OXR1: variants seen among roughly 807,000 people sequenced by gnomAD.
The protein encoded by OXR1 is oxidation resistance protein 1.
OXR1 carries 41 observed loss-of-function variants against 104.6 expected under a neutral mutation model. The ratio of observed to expected loss-of-function variants is 0.39; its 90% CI spans 0.31 to 0.51. The LOEUF is 0.51. OXR1 is among the 20% of genes least tolerant of loss of function. The pLI is 0.77. For synonymous variants in OXR1, 348 were observed against 348.4 expected (o/e 1.00, Z 0.01); for missense variants, 955 against 1,031.9 (o/e 0.93, Z 1.02).
At chr8:106,593,848 A>T (rs750556218) in intron 3 of OXR1, among the ~76,000 whole-genome samples, 14 of 152,240 alleles carry the variant, frequency 9.2e-5, no homozygotes, top group Non-Finnish European at 1.9e-4. Context: ...CTCAAGGTTT[A>T]TGGTATGCTT....
intron 11 of OXR1, among the ~76,000 whole-genome samples, chr8:106,733,652 C>A (rs1282227711): frequency 6.6e-6 from 1 of 151,372 alleles, no homozygotes; most frequent in Non-Finnish European, 1.5e-5. Context: ...ACAAAAAATA[C>A]AAAAATTAGC....
At chr8:106,363,556 CG>C (rs1324418496) in intron 2 of OXR1, among the ~76,000 whole-genome samples, 134 of 150,550 alleles carry the variant, frequency 8.9e-4, no homozygotes, top group Admixed American at 2.0e-3. Flanking sequence ...TGCATATATT[CG>C]TTTTTTTTTT....
At chr8:106,484,848 C>T (rs943874266) in intron 2 of OXR1, among the ~76,000 whole-genome samples, 1 of 151,850 alleles carries the variant, frequency 6.6e-6, no homozygotes, top group Admixed American at 6.6e-5. Flanking sequence ...GGTATTTATC[C>T]AAATGAATTC....
intron 1 of OXR1, among the ~76,000 whole-genome samples, chr8:106,302,250 T>G (rs1453882427): frequency 6.6e-6 from 1 of 152,186 alleles, no homozygotes; most frequent in East Asian, 1.9e-4. Context: ...TTCAGTTTAA[T>G]AAGTTTCATA....
At chr8:106,418,763 C>T (rs9297383) in intron 2 of OXR1, among the ~76,000 whole-genome samples, 56,719 of 151,868 alleles carry the variant, frequency 0.37, 11,833 homozygotes, top group East Asian at 0.69. Context: ...GAACCTACCT[C>T]CAGACCTCCA....
intron 3 of OXR1, among the ~76,000 whole-genome samples, chr8:106,653,421 C>T (rs568610326): frequency 6.3e-4 from 95 of 151,920 alleles, no homozygotes; most frequent in Middle Eastern, 6.8e-3. Flanking sequence ...TGAAGGTTAT[C>T]TAAGGAAGGC....
chr8:106,650,171 G>C (rs1357441063), intron 3 of OXR1, among the ~76,000 whole-genome samples: 2 of 152,060 alleles, frequency 1.3e-5, no homozygotes, highest in Non-Finnish European at 1.5e-5. Flanking sequence ...ATTTACCAAG[G>C]CTTAATGTTT....
intron 3 of OXR1, among the ~76,000 whole-genome samples, chr8:106,621,680 A>C (rs1040490185): frequency 2.6e-5 from 4 of 152,172 alleles, no homozygotes; most frequent in Admixed American, 6.5e-5. Context: ...ACTTTTGAGG[A>C]TAGGGATACT....
At chr8:106,587,564 A>G (rs1234638822) in intron 3 of OXR1, among the ~76,000 whole-genome samples, 1 of 152,218 alleles carries the variant, frequency 6.6e-6, no homozygotes, top group Non-Finnish European at 1.5e-5. Context: ...GACTTTAAAT[A>G]AAGAATGTTC....
chr8:106,447,867 T>C, intron 2 of OXR1: 7 of 1,462,422 alleles, frequency 4.8e-6, no homozygotes, highest in Non-Finnish European at 6.3e-6. Flanking sequence ...GATGTTGGTC[T>C]GATACTAGCC....
chr8:106,388,801 G>A (rs531458749), intron 2 of OXR1, among the ~76,000 whole-genome samples: 8 of 152,320 alleles, frequency 5.3e-5, no homozygotes, highest in East Asian at 3.9e-4. Flanking sequence ...CTTGAAGCTC[G>A]TATGTTCCTG....
chr8:106,694,901 T>A (rs1829794066), intron 7 of OXR1, among the ~76,000 whole-genome samples: 1 of 135,768 alleles, frequency 7.4e-6, no homozygotes, highest in African/African-American at 2.7e-5. Flanking sequence ...ATAAATATAT[T>A]TATCTATTTA....
At chr8:106,710,416 G>C (rs966415198) in intron 9 of OXR1, among the ~76,000 whole-genome samples, 2 of 151,332 alleles carry the variant, frequency 1.3e-5, no homozygotes, top group African/African-American at 2.4e-5. Context: ...TCATTAACTT[G>C]GCTCTTTTGT....
At chr8:106,357,741 A>G (rs1019432700) in intron 1 of OXR1, among the ~76,000 whole-genome samples, 9 of 152,146 alleles carry the variant, frequency 5.9e-5, no homozygotes, top group African/African-American at 2.2e-4. Context: ...AGGAAGCTGA[A>G]GTTTGATATT....
At chr8:106,356,850 AT>A (rs1464051271) in intron 1 of OXR1, among the ~76,000 whole-genome samples, 1 of 152,122 alleles carries the variant, frequency 6.6e-6, no homozygotes, top group Non-Finnish European at 1.5e-5. Context: ...AGTTGCAGTA[AT>A]GACCCTAGGA....
intron 2 of OXR1, among the ~76,000 whole-genome samples, chr8:106,478,021 A>T (rs929339069): frequency 2.0e-5 from 3 of 151,918 alleles, no homozygotes; most frequent in Non-Finnish European, 4.4e-5. Flanking sequence ...AAAAGGGAGT[A>T]AAAGGGAAGT....
At chr8:106,291,036 A>C (rs1026133519) in intron 1 of OXR1, among the ~76,000 whole-genome samples, 2 of 152,204 alleles carry the variant, frequency 1.3e-5, no homozygotes, top group Non-Finnish European at 2.9e-5. Context: ...AAGACATGGA[A>C]TCAACCTAGG....
intron 2 of OXR1, among the ~76,000 whole-genome samples, chr8:106,432,103 T>C (rs1819383497): frequency 6.6e-6 from 1 of 152,202 alleles, no homozygotes; most frequent in South Asian, 2.1e-4. Context: ...ATATAATATA[T>C]TTCCAATCCA....
chr8:106,398,365 A>C (rs1435637926), intron 2 of OXR1, among the ~76,000 whole-genome samples: 1 of 152,160 alleles, frequency 6.6e-6, no homozygotes, highest in Non-Finnish European at 1.5e-5. Context: ...CCTGGGCATC[A>C]GAGTGTTTAA....
Sources: gnomAD v4.1 joint callset for allele counts (sites outside exome capture counted in the v4.1 genomes callset) on GRCh38, gnomAD v4.1.1 for gene constraint, MANE v1.5 for transcripts, NCBI Gene and HGNC (gene_info 2026-07-23, HGNC 2026-07-21) for gene names.